Variants in KCTD14 observed in about 807,000 individuals in gnomAD.
KCTD14 encodes potassium channel tetramerization domain containing 14.
Under a neutral mutation model 5.9 loss-of-function variants are expected in KCTD14, and 7 were observed. That is an observed-to-expected ratio of 1.19 (90% CI 0.68 to 2.23). The LOEUF (loss-of-function observed/expected upper bound fraction) is 2.23, where lower values mean the gene tolerates loss of function less well. KCTD14 is among the 30% of genes most tolerant of loss of function. KCTD14 has a pLI of 0.00. For synonymous variants in KCTD14, 140 were observed against 133.1 expected (o/e 1.05, Z -0.36); for missense variants, 342 against 332.2 (o/e 1.03, Z -0.23).
exon 1 of KCTD14, chr11:78,046,062 T>A (rs1213415644): frequency 2.0e-6 from 2 of 982,206 alleles, no homozygotes; most frequent in African/African-American, 3.5e-5. Context: ...TGGAATTACC[T>A]GACAGTAAAC....
intron 2 of KCTD14, among the ~76,000 whole-genome samples, chr11:78,028,948 G>T (rs1188072473): frequency 6.6e-6 from 1 of 152,084 alleles, no homozygotes; most frequent in Non-Finnish European, 1.5e-5. Flanking sequence ...ACTTTGGGAG[G>T]CCGAGGTGGG....
At chr11:78,022,866 A>C in intron 1 of KCTD14, 2 of 354,734 alleles carry the variant, frequency 5.6e-6, no homozygotes, top group Non-Finnish European at 1.0e-5. Flanking sequence ...GGAAGAGACA[A>C]GGGAAAGGAA....
At chr11:78,043,833 C>T (rs1858057499) in intron 1 of KCTD14, among the ~76,000 whole-genome samples, 1 of 152,176 alleles carries the variant, frequency 6.6e-6, no homozygotes, top group African/African-American at 2.4e-5. Context: ...GAGGAAGTCT[C>T]TTCTGGCTCG....
At chr11:78,028,543 C>T (rs1016407899) in intron 2 of KCTD14, among the ~76,000 whole-genome samples, 1 of 148,470 alleles carries the variant, frequency 6.7e-6, no homozygotes, top group African/African-American at 2.5e-5. Context: ...GCGGAGGTTG[C>T]AGTGAGCCCA....
At position 78,046,059 on chromosome 11, in the gene KCTD14, A is replaced by G; in HGVS notation, c.-96+2T>C. ...CTGCACTTAGACACAAGCTGGAATT[A>G]CCTGACAGTAAACCGGGGAGGACTC... On this transcript the variant is annotated splice_donor_variant, in intron 1 of 2. Transcript: ENST00000533144. LOFTEE classifies it low-confidence loss of function (5UTR_SPLICE). The G allele has an allele frequency of 3.1e-6, 3 of 980,476 alleles. No individual in the cohort carries two copies. Among genetic ancestry groups the G allele is most frequent in the Non-Finnish European group, 3.6e-6 (3 of 825,430 alleles). The allele number at this position is 980,476 out of a possible 1,614,324, so 60.7% of individuals were successfully genotyped here.
intron 1 of KCTD14, among the ~76,000 whole-genome samples, chr11:78,044,872 G>A (rs1253955158): frequency 6.6e-6 from 1 of 152,288 alleles, no homozygotes; most frequent in Non-Finnish European, 1.5e-5. Context: ...TGCTTCCGGG[G>A]TTTTGCGCCT....
At chr11:78,035,104 T>TA (rs1362455799) in intron 2 of KCTD14, among the ~76,000 whole-genome samples, 2 of 152,178 alleles carry the variant, frequency 1.3e-5, no homozygotes, top group Non-Finnish European at 2.9e-5. Flanking sequence ...CTTTTTGACT[T>TA]ACGCCACTTT....
Position 78,016,737 on chromosome 11 carries a change from T to C in KCTD14, c.624A>G (p.Leu208=). 6.2e-7 allele frequency: 1 copy of C among 1,614,222 alleles called. No homozygotes were observed. The highest frequency in any genetic ancestry group is 1.1e-5 in the South Asian group (1 of 91,086). The change falls in exon 2 of 2, where the codon CTA becomes CTG. Residue 208 remains leucine, a synonymous_variant. Coordinates refer to ENST00000353172, the MANE Select transcript of KCTD14 (RefSeq NM_023930.4). Reference sequence around the variant, plus strand: ...GGCAGTGCATGAGGTCGCTGTTGTCTAGGACCGCCTTCCAGGGCCCAAACT... The same window carrying C: ...GGCAGTGCATGAGGTCGCTGTTGTCCAGGACCGCCTTCCAGGGCCCAAACT... The part of the protein sequence containing the change: ...VVKFGPWKAV[L]DNSDLMHCLE...
chr11:78,030,088 T>A (rs1857573395), intron 2 of KCTD14, among the ~76,000 whole-genome samples: 1 of 152,166 alleles, frequency 6.6e-6, no homozygotes, highest in Admixed American at 6.5e-5. Flanking sequence ...CTGGCCTTTC[T>A]GTGAGAAAAT....
intron 1 of KCTD14, among the ~76,000 whole-genome samples, chr11:78,041,583 C>A (rs564593377): frequency 6.6e-5 from 10 of 152,358 alleles, no homozygotes; most frequent in African/African-American, 2.2e-4. Flanking sequence ...ATGGCAACCC[C>A]CTTTGGGTCC....
intron 2 of KCTD14, among the ~76,000 whole-genome samples, chr11:78,033,901 G>GTGTGTGTGTGTACATATATATATATATA: frequency 1.4e-3 from 165 of 115,562 alleles, no homozygotes; most frequent in African/African-American, 5.3e-3. Context: ...GTGTGTGTGT[G>GTGTGTGTGTGTACATATATATATATATA]TATATATATA....
intron 1 of KCTD14, among the ~76,000 whole-genome samples, chr11:78,017,573 T>C (rs1264170323): frequency 6.6e-6 from 1 of 151,150 alleles, no homozygotes; most frequent in African/African-American, 2.4e-5. Context: ...GCCTCCCTAA[T>C]CGCTGGGACT....
At chr11:78,018,160 A>G (rs61125734) in intron 1 of KCTD14, among the ~76,000 whole-genome samples, 32,799 of 152,088 alleles carry the variant, frequency 0.22, 3,871 homozygotes, top group Admixed American at 0.33. Context: ...GCTGCCATGG[A>G]AGGAAGTCTC....
chr11:78,024,380 CAAAAA>C (rs56296835), upstream of KCTD14, among the ~76,000 whole-genome samples: 4,520 of 123,134 alleles, frequency 0.037, 287 homozygotes, highest in African/African-American at 0.14. Flanking sequence ...GATTCCCTCT[CAAAAA>C]AAAAAAAAAA....
At chr11:78,024,304 G>C (rs1297645265), upstream of KCTD14, among the ~76,000 whole-genome samples, 1 of 150,686 alleles carries the variant, frequency 6.6e-6, no homozygotes, top group Non-Finnish European at 1.5e-5. Context: ...AGAATCGCTG[G>C]AACCCGGGAG....
At chr11:78,045,412 T>C (rs532472453) in intron 1 of KCTD14, among the ~76,000 whole-genome samples, 1 of 152,210 alleles carries the variant, frequency 6.6e-6, no homozygotes, top group Non-Finnish European at 1.5e-5. Context: ...GCAGGAGTAA[T>C]TGGGGAAGTT....
At chr11:78,023,321 G>A (rs1318575363), upstream of KCTD14, 6 of 1,487,612 alleles carry the variant, frequency 4.0e-6, no homozygotes, top group Non-Finnish European at 5.5e-6. Context: ...GCTCAAGGCG[G>A]GACGGGGCTG....
chr11:78,029,185 CAAAA>C (rs34088894), intron 2 of KCTD14, among the ~76,000 whole-genome samples: 17 of 113,364 alleles, frequency 1.5e-4, no homozygotes, highest in African/African-American at 3.3e-4. Context: ...ACTCTGTCTC[CAAAA>C]AAAAAAAAAA....
rs547513000 is a variant in KCTD14, at chr11:78,034,839, T to C, written c.-1+3825A>G. Among the ~76,000 whole-genome samples the C allele has an allele frequency of 1.4e-4, 21 of 152,246 alleles. No individual in the cohort carries two copies. The South Asian group carries it at 2.5e-3, about 18-fold the overall frequency. On this transcript the variant is annotated intron_variant, in intron 2 of 2. Transcript: ENST00000533144. ...TCCGAGGTACACTGTAGTGAACATGTGTAACATTTCCACCCTGCTTTTATT... is the reference window on the plus strand; with the variant it reads ...TCCGAGGTACACTGTAGTGAACATGCGTAACATTTCCACCCTGCTTTTATT...
Sources: gnomAD v4.1 joint callset for allele counts (sites outside exome capture counted in the v4.1 genomes callset) on GRCh38, gnomAD v4.1.1 for gene constraint, MANE v1.5 for transcripts, NCBI Gene and HGNC (gene_info 2026-07-23, HGNC 2026-07-21) for gene names.